The following FHIP2A variants were observed in gnomAD, a reference collection of about 807,000 sequenced individuals.
The protein encoded by FHIP2A is FHF complex subunit HOOK interacting protein 2A, also known as family with sequence similarity 160 member B1.
Under a neutral mutation model 93.5 loss-of-function variants are expected in FHIP2A, and 46 were observed. The ratio of observed to expected loss-of-function variants is 0.49; its 90% CI spans 0.39 to 0.63. The LOEUF is 0.63. FHIP2A is among the 20% of genes least tolerant of loss of function. The probability of loss-of-function intolerance (pLI) is 0.00; values close to 1 mark genes in which losing one functional copy is unlikely to be tolerated. For missense variants in FHIP2A, 769 were observed against 909.7 expected (o/e 0.85, Z 1.99); for synonymous variants, 332 against 326.5 (o/e 1.02, Z -0.18).
chr10:114,858,466 G>GATTT (rs2083779558), intron 14 of FHIP2A, among the ~76,000 whole-genome samples: 1 of 151,934 alleles, frequency 6.6e-6, no homozygotes, highest in African/African-American at 2.4e-5. Context: ...AAATTGTACT[G>GATTT]ATTTATTTAT....
intron 13 of FHIP2A, among the ~76,000 whole-genome samples, chr10:114,853,102 C>T (rs2083746290): frequency 6.6e-6 from 1 of 152,122 alleles, no homozygotes; most frequent in African/African-American, 2.4e-5. Flanking sequence ...TTCTTTCTTG[C>T]CTTGGGGTTA....
chr10:114,852,128 T>C (rs947555488), intron 13 of FHIP2A, among the ~76,000 whole-genome samples: 1 of 137,532 alleles, frequency 7.3e-6, no homozygotes, highest in African/African-American at 2.7e-5. Flanking sequence ...TTAAGGCTTC[T>C]GCAGCATCAT....
intron 12 of FHIP2A, 55 bp from the exon 13 acceptor site, chr10:114,848,592 T>A: frequency 1.5e-6 from 1 of 668,506 alleles, no homozygotes; most frequent in Non-Finnish European, 2.3e-6. Context: ...TACTTTTTCC[T>A]TTTTTTTTTC....
chr10:114,843,884 A>T lies in FHIP2A; in HGVS notation c.960A>T (p.Leu320=). 1 of 1,602,358 alleles carries T rather than the reference A, an allele frequency of 6.2e-7. No individual in the cohort carries two copies. Among genetic ancestry groups the T allele is most frequent in the Non-Finnish European group, 8.5e-7 (1 of 1,177,322 alleles). Reference sequence around the variant, plus strand: ...GACTTGCCTCCCTGTACAAGGCCCTACCTCAGTCAGTGGATCCGTTAGATA... The same window carrying T: ...GACTTGCCTCCCTGTACAAGGCCCTTCCTCAGTCAGTGGATCCGTTAGATA... The part of the protein sequence containing the change: ...TDRLASLYKA[L]PQSVDPLDIE... The change falls in exon 7 of 17, where the codon CTA becomes CTT. Residue 320 remains leucine (L), a synonymous_variant. Transcript: ENST00000369248.
At chr10:114,886,056 T>A (rs1728296208) in intron 16 of FHIP2A, among the ~76,000 whole-genome samples, 2 of 152,226 alleles carry the variant, frequency 1.3e-5, no homozygotes, top group Admixed American at 1.3e-4. Flanking sequence ...TAGTGTCTCC[T>A]CTAGTGCCTA....
chr10:114,846,789 CCTCTT>C (rs2083704331), intron 11 of FHIP2A, 61 bp downstream of exon 11: 9 of 1,384,542 alleles, frequency 6.5e-6, no homozygotes, highest in Non-Finnish European at 8.8e-6. Context: ...CTTTCTCTCT[CCTCTT>C]ATCTACCTCC....
At chr10:114,827,765 C>G (rs1283252185) in intron 1 of FHIP2A, among the ~76,000 whole-genome samples, 4 of 146,202 alleles carry the variant, frequency 2.7e-5, no homozygotes, top group Admixed American at 7.2e-5. Context: ...CCACTGCACT[C>G]CAGCCTGGGT....
exon 17 of FHIP2A, chr10:114,899,793 G>A: frequency 7.2e-6 from 3 of 417,380 alleles, no homozygotes; most frequent in Non-Finnish European, 1.3e-5. Flanking sequence ...AAAAAATACT[G>A]TTATCAATAA....
intron 16 of FHIP2A, 28 bp from the exon 17 acceptor site, chr10:114,861,407 G>T (rs771325710): frequency 1.2e-6 from 2 of 1,613,894 alleles, no homozygotes; most frequent in South Asian, 2.2e-5. Flanking sequence ...ATCTTGAATT[G>T]ATTTATTGTC....
chr10:114,855,090 C>G (rs1214977696), intron 13 of FHIP2A, 107 bp from the exon 14 acceptor site: 1 of 1,163,292 alleles, frequency 8.6e-7, no homozygotes, highest in African/African-American at 1.6e-5. Flanking sequence ...GCATAGCAGA[C>G]ATTCTGCATT....
At chr10:114,830,626 G>A (rs1256921149) in intron 1 of FHIP2A, among the ~76,000 whole-genome samples, 4 of 152,060 alleles carry the variant, frequency 2.6e-5, no homozygotes, top group Admixed American at 2.0e-4. Context: ...TGATACTGTA[G>A]TTTAATAATA....
chr10:114,866,937 G>A (rs753832033), downstream of FHIP2A, among the ~76,000 whole-genome samples: 3 of 152,162 alleles, frequency 2.0e-5, no homozygotes, highest in African/African-American at 4.8e-5. Flanking sequence ...CGCCGGGCGC[G>A]GTAGCTCACG....
At chr10:114,869,002 A>G (rs1030504804), downstream of FHIP2A, among the ~76,000 whole-genome samples, 4 of 152,210 alleles carry the variant, frequency 2.6e-5, no homozygotes, top group Non-Finnish European at 1.5e-5. Flanking sequence ...CTGTGAGATT[A>G]GGCAAGACAA....
chr10:114,866,657 C>T (rs1221014402), downstream of FHIP2A, among the ~76,000 whole-genome samples: 3 of 152,094 alleles, frequency 2.0e-5, no homozygotes, highest in Non-Finnish European at 2.9e-5. Flanking sequence ...ATGATTTCGG[C>T]CCTAAAGAAG....
intron 13 of FHIP2A, 142 bp downstream of exon 13, chr10:114,848,879 A>G: frequency 1.6e-6 from 1 of 610,826 alleles, no homozygotes; most frequent in Middle Eastern, 4.0e-4. Flanking sequence ...GCAGTGTCTC[A>G]CACCTGTAAT....
chr10:114,891,195 A>G (rs1002544138), intron 16 of FHIP2A, among the ~76,000 whole-genome samples: 5 of 145,318 alleles, frequency 3.4e-5, no homozygotes, highest in Non-Finnish European at 7.5e-5. Flanking sequence ...CCCTGTCTAA[A>G]CAACCATAAC....
chr10:114,899,683 T>C (rs1269916925), exon 17 of FHIP2A: 1 of 554,934 alleles, frequency 1.8e-6, no homozygotes, highest in African/African-American at 1.9e-5. Context: ...TGCCCAGAAC[T>C]TTGGCTTGAC....
At chr10:114,892,329 C>T (rs530911179) in intron 16 of FHIP2A, among the ~76,000 whole-genome samples, 2 of 152,252 alleles carry the variant, frequency 1.3e-5, no homozygotes, top group African/African-American at 4.8e-5. Flanking sequence ...TTTAGGTATA[C>T]ATATGTGCCA....
At chr10:114,876,535 A>T (rs1592031359) in intron 16 of FHIP2A, among the ~76,000 whole-genome samples, 1 of 152,082 alleles carries the variant, frequency 6.6e-6, no homozygotes, top group South Asian at 2.1e-4. Flanking sequence ...CTCCTTCCAC[A>T]CCTGCTACCA....
Sources: gnomAD v4.1 joint callset for allele counts (sites outside exome capture counted in the v4.1 genomes callset) on GRCh38, gnomAD v4.1.1 for gene constraint, MANE v1.5 for transcripts, NCBI Gene and HGNC (gene_info 2026-07-23, HGNC 2026-07-21) for gene names.